GABRA3: variants seen among roughly 807,000 people sequenced by gnomAD.
The protein encoded by GABRA3 is gamma-aminobutyric acid receptor subunit alpha-3.
In GABRA3, 10 loss-of-function variants were observed where a neutral mutation model predicts 30.1. The ratio of observed to expected loss-of-function variants is 0.33; its 90% CI spans 0.20 to 0.56. The LOEUF (loss-of-function observed/expected upper bound fraction) is 0.56, where lower values mean the gene tolerates loss of function less well. Ranked by LOEUF, GABRA3 falls within the 20% of genes least tolerant of loss-of-function variation. GABRA3 has a pLI of 0.89. For missense variants in GABRA3, 233 were observed against 392.0 expected, an observed-to-expected ratio of 0.59 and a Z score of 3.42; for synonymous variants, 151 against 146.8, an observed-to-expected ratio of 1.03 and a Z score of -0.21.
chrX:152,224,154 CT>C (rs1569360596), intron 6 of GABRA3, among the ~76,000 whole-genome samples: 1 of 112,210 alleles, frequency 8.9e-6, no homozygotes, highest in Non-Finnish European at 1.9e-5. Context: ...CTATGTGAAA[CT>C]CACTCTGAAA....
rs779225135 is a variant in GABRA3 at position 152,229,369 on chromosome X, T to C, written c.552-4524A>G. Among the ~76,000 whole-genome samples the C allele has an allele frequency of 3.6e-5, 4 of 111,103 alleles. No homozygotes were observed. In the East Asian group the frequency reaches 1.1e-3, roughly 32 times the overall value. On this transcript the variant is annotated intron_variant, in intron 5 of 9. Transcript: ENST00000370314. ...ATACAAATGAAAATCTGACGACCTT[T>C]TTGGCCCTGCATCTGCACCCTTCTC...
At chrX:152,338,244 A>G (rs1385697503) in intron 3 of GABRA3, among the ~76,000 whole-genome samples, 1 of 112,072 alleles carries the variant, frequency 8.9e-6, no homozygotes, top group Non-Finnish European at 1.9e-5. Context: ...TTGAGATGAT[A>G]TATAACTGTA....
intron 1 of GABRA3, among the ~76,000 whole-genome samples, chrX:152,400,430 T>C (rs1929766235): frequency 9.0e-6 from 1 of 111,051 alleles, no homozygotes; most frequent in Non-Finnish European, 1.9e-5. Context: ...GATCACTTGA[T>C]CCCAGGAGTT....
At chrX:152,262,499 G>T (rs1938747977) in intron 4 of GABRA3, among the ~76,000 whole-genome samples, 2 of 111,803 alleles carry the variant, frequency 1.8e-5, no homozygotes, top group African/African-American at 6.5e-5. Context: ...GATCGCTAGG[G>T]CAGGGGCAAA....
chrX:152,343,576 C>G (rs975203451), intron 3 of GABRA3, among the ~76,000 whole-genome samples: 2 of 110,498 alleles, frequency 1.8e-5, no homozygotes, highest in African/African-American at 6.6e-5. Flanking sequence ...CTTTTTCTAA[C>G]CCCATAATCT....
At position 152,412,401 on chromosome X, in the gene GABRA3, C is replaced by T. The variant is rs1289058003; in HGVS notation, c.-27+38745G>A. The stretch of plus-strand genomic sequence containing the variant: ...TCATAGCAGTACACTTCACAATAGA[C>T]AAAAGATGGAAACCACACAAATATC... On this transcript the variant is annotated intron_variant, in intron 1 of 9. Transcript: ENST00000370314. 3.6e-5 allele frequency among the ~76,000 whole-genome samples: 4 copies of T among 111,704 alleles called. No individual in the cohort carries two copies. The East Asian group carries it at 1.1e-3, about 31-fold the overall frequency.
chrX:152,182,943 C>T (rs1255094125), intron 9 of GABRA3, among the ~76,000 whole-genome samples: 1 of 102,010 alleles, frequency 9.8e-6, no homozygotes, highest in African/African-American at 3.5e-5. Flanking sequence ...TTTTAATGTA[C>T]TGTTAACTTT....
intron 3 of GABRA3, among the ~76,000 whole-genome samples, chrX:152,311,904 G>A (rs181162179): frequency 2.8e-4 from 31 of 109,851 alleles, no homozygotes; most frequent in African/African-American, 6.6e-4. Context: ...TAGTATTTCC[G>A]TACACCAAAA....
chrX:152,403,870 G>GA (rs770127945), intron 1 of GABRA3, among the ~76,000 whole-genome samples: 2 of 111,195 alleles, frequency 1.8e-5, no homozygotes, highest in South Asian at 7.6e-4. Flanking sequence ...CCCAGGTTTT[G>GA]AAAAACCAAG....
At chrX:152,282,236 C>A (rs1046665033) in intron 4 of GABRA3, among the ~76,000 whole-genome samples, 1 of 111,390 alleles carries the variant, frequency 9.0e-6, no homozygotes, top group African/African-American at 3.3e-5. Context: ...GCCCTCTTTT[C>A]CTGGAAATGA....
intron 1 of GABRA3, among the ~76,000 whole-genome samples, chrX:152,387,084 G>C: frequency 9.6e-6 from 1 of 104,689 alleles, no homozygotes; most frequent in Non-Finnish European, 2.0e-5. Flanking sequence ...ACTCATAGGT[G>C]GGAATTGAAC....
At chrX:152,332,046 T>C in intron 3 of GABRA3, among the ~76,000 whole-genome samples, 1 of 112,117 alleles carries the variant, frequency 8.9e-6, no homozygotes, top group Non-Finnish European at 1.9e-5. Context: ...ACTTGATGAT[T>C]CATTTCCTAT....
Position 152,237,047 on chromosome X carries a change from G to C in GABRA3, c.552-12202C>G, listed in dbSNP as rs755334725. ...GGCTTTTGTTGCCATTGCTTTTGGT[G>C]TTTTGGACATGAAGTCCTTGCCCAT... On this transcript the variant is annotated intron_variant, in intron 5 of 9. Coordinates refer to ENST00000370314, the MANE Select transcript of GABRA3 (RefSeq NM_000808.4). Among the ~76,000 whole-genome samples, 3 of 109,253 alleles carry C rather than the reference G, an allele frequency of 2.7e-5. No individual in the cohort carries two copies. The Admixed American group carries it at 3.0e-4, about 11-fold the overall frequency. The allele number at this position is 109,253 out of a possible 115,157, so 94.9% of individuals were successfully genotyped here.
intron 1 of GABRA3, among the ~76,000 whole-genome samples, chrX:152,429,144 G>A (rs966536016): frequency 2.7e-5 from 3 of 111,258 alleles, no homozygotes; most frequent in African/African-American, 9.8e-5. Context: ...AGGAAAACTG[G>A]TAGGAAATAA....
chrX:152,286,228 A>C (rs1939295240), intron 3 of GABRA3, among the ~76,000 whole-genome samples: 1 of 103,540 alleles, frequency 9.7e-6, no homozygotes, highest in Admixed American at 1.1e-4. Flanking sequence ...AGAGAAGTGA[A>C]GTTTTTCCAC....
intron 2 of GABRA3, among the ~76,000 whole-genome samples, chrX:152,349,414 C>G (rs980138649): frequency 1.9e-5 from 2 of 107,754 alleles, no homozygotes; most frequent in African/African-American, 6.8e-5. Context: ...GCAAAATAAC[C>G]AGCTAACATC....
At chrX:152,304,961 AT>A in intron 3 of GABRA3, among the ~76,000 whole-genome samples, 1 of 111,741 alleles carries the variant, frequency 8.9e-6, no homozygotes, top group East Asian at 2.8e-4. Flanking sequence ...TATTCCATTT[AT>A]TTGTATCATC....
chrX:152,331,295 T>A (rs1428725721), intron 3 of GABRA3, among the ~76,000 whole-genome samples: 1 of 109,344 alleles, frequency 9.1e-6, no homozygotes, highest in Admixed American at 9.9e-5. Context: ...AACTCACGAA[T>A]TAGAGGTAAT....
At chrX:152,238,046 A>C (rs1314077060) in intron 5 of GABRA3, among the ~76,000 whole-genome samples, 1 of 107,748 alleles carries the variant, frequency 9.3e-6, no homozygotes, top group Non-Finnish European at 1.9e-5. Context: ...AGGAGTGGTG[A>C]GAGAGGGCAT....
Sources: gnomAD v4.1 joint callset for allele counts (sites outside exome capture counted in the v4.1 genomes callset) on GRCh38, gnomAD v4.1.1 for gene constraint, MANE v1.5 for transcripts, NCBI Gene and HGNC (gene_info 2026-07-23, HGNC 2026-07-21) for gene names.